The following CACNA2D3 variants were observed in gnomAD, a reference collection of about 807,000 sequenced individuals.
The protein encoded by CACNA2D3 is voltage-dependent calcium channel subunit alpha-2/delta-3.
In CACNA2D3, 60 loss-of-function variants were observed where a neutral mutation model predicts 160.6. The observed-to-expected ratio is 0.37, with a 90% CI of 0.30 to 0.46. The LOEUF is 0.46. Among genes scored for constraint, CACNA2D3 ranks in the 20% least tolerant of loss-of-function variants. The probability of loss-of-function intolerance (pLI) is 1.00; values close to 1 mark genes in which losing one functional copy is unlikely to be tolerated. For missense variants in CACNA2D3, 1,205 were observed against 1,365.0 expected (o/e 0.88, Z 1.85); for synonymous variants, 558 against 492.9 (o/e 1.13, Z -1.75).
rs961627441 is a variant in CACNA2D3, at chr3:54,359,361, G to T, written c.322-27354G>T. Among the ~76,000 whole-genome samples, 5 of 152,194 alleles carry T rather than the reference G, an allele frequency of 3.3e-5. No homozygotes were observed. The East Asian group carries it at 9.6e-4, about 29-fold the overall frequency. ...GAACTGGCCCCTGCAGTATGAATTTGTCAGGCATGGGTAGAGGTCAGAGTG... is the reference window on the plus strand; with the variant it reads ...GAACTGGCCCCTGCAGTATGAATTTTTCAGGCATGGGTAGAGGTCAGAGTG... On this transcript the variant is annotated intron_variant, in intron 3 of 37. Transcript: ENST00000474759.
intron 27 of CACNA2D3, among the ~76,000 whole-genome samples, chr3:54,945,774 T>G (rs375047205): frequency 4.7e-4 from 71 of 152,254 alleles, no homozygotes; most frequent in African/African-American, 1.7e-3. Context: ...CCTGGGCCAT[T>G]GTATGTTGGG....
rs1280064803 is a variant in CACNA2D3 at position 55,033,824 on chromosome 3, T to C, written c.2987+15507T>C. 6.9e-3 allele frequency among the ~76,000 whole-genome samples: 731 copies of C among 105,608 alleles called. 43 individuals carry two copies. Among genetic ancestry groups the C allele is most frequent in the African/African-American group, 0.024 (697 of 29,422 alleles). 69.3% of individuals were successfully genotyped at this position (105,608 alleles called of 152,430 possible). A position where few individuals can be genotyped will look rare whatever the true frequency, so the allele number is the denominator to read the frequency against. On this transcript the variant is annotated intron_variant, in intron 35 of 37. Coordinates refer to ENST00000474759, the MANE Select transcript of CACNA2D3 (RefSeq NM_018398.3). ...TATAATATGTATTATATATTAAATA[T>C]ATTTAATATATAATATATATTACAT...
intron 3 of CACNA2D3, among the ~76,000 whole-genome samples, chr3:54,385,080 A>G (rs1699166450): frequency 1.3e-5 from 2 of 152,204 alleles, no homozygotes; most frequent in Admixed American, 6.5e-5. Flanking sequence ...GGTTTAATCA[A>G]GCATCAGGAG....
intron 10 of CACNA2D3, among the ~76,000 whole-genome samples, chr3:54,631,161 A>G (rs1175656975): frequency 1.3e-5 from 2 of 151,262 alleles, no homozygotes; most frequent in Non-Finnish European, 2.9e-5. Context: ...CTGAGATTGC[A>G]CCACTGCACT....
intron 2 of CACNA2D3, among the ~76,000 whole-genome samples, chr3:54,294,032 A>G (rs1361990832): frequency 1.3e-5 from 2 of 152,170 alleles, no homozygotes; most frequent in African/African-American, 2.4e-5. Flanking sequence ...TGTTTTGAAA[A>G]CTTGTTTACA....
At chr3:54,376,658 C>T (rs1202419814) in intron 3 of CACNA2D3, among the ~76,000 whole-genome samples, 1 of 152,180 alleles carries the variant, frequency 6.6e-6, no homozygotes, top group East Asian at 1.9e-4. Flanking sequence ...TTCATTGCGT[C>T]AGCCCTTAGT....
chr3:55,017,909 T>C (rs1475401105), intron 34 of CACNA2D3, among the ~76,000 whole-genome samples: 1 of 152,214 alleles, frequency 6.6e-6, no homozygotes, highest in African/African-American at 2.4e-5. Flanking sequence ...GTTGCTAAGT[T>C]TGAGTAAGTC....
intron 6 of CACNA2D3, among the ~76,000 whole-genome samples, chr3:54,565,818 C>T (rs1233143300): frequency 1.3e-5 from 2 of 152,170 alleles, no homozygotes; most frequent in Non-Finnish European, 2.9e-5. Context: ...CAGATGACTT[C>T]ATTAGGCTCT....
intron 2 of CACNA2D3, among the ~76,000 whole-genome samples, chr3:54,142,886 C>A (rs1699962466): frequency 6.6e-6 from 1 of 152,188 alleles, no homozygotes; most frequent in African/African-American, 2.4e-5. Flanking sequence ...TCTCTCATGG[C>A]CTGCATTTGT....
chr3:54,240,931 G>C (rs895901484), intron 2 of CACNA2D3, among the ~76,000 whole-genome samples: 1 of 151,988 alleles, frequency 6.6e-6, no homozygotes, highest in Admixed American at 6.6e-5. Flanking sequence ...GAGTAGAGAC[G>C]GGTTTCACCA....
chr3:55,072,600 C>T (rs358073), intron 35 of CACNA2D3, among the ~76,000 whole-genome samples: 5,188 of 152,252 alleles, frequency 0.034, 319 homozygotes, highest in African/African-American at 0.12. Context: ...AAATATTATG[C>T]GATAGGGGTT....
intron 35 of CACNA2D3, among the ~76,000 whole-genome samples, chr3:55,019,219 A>G (rs575406449): frequency 1.3e-5 from 2 of 151,706 alleles, no homozygotes; most frequent in Admixed American, 6.6e-5. Flanking sequence ...TTTAATTATT[A>G]TAGCTTTATA....
intron 14 of CACNA2D3, among the ~76,000 whole-genome samples, chr3:54,832,600 T>C (rs1387154992): frequency 6.6e-6 from 1 of 152,218 alleles, no homozygotes; most frequent in Non-Finnish European, 1.5e-5. Context: ...GAATCTGTCA[T>C]ATAAACCCTG....
chr3:54,477,307 C>T (rs976729010), intron 4 of CACNA2D3, among the ~76,000 whole-genome samples: 8 of 151,470 alleles, frequency 5.3e-5, no homozygotes, highest in Non-Finnish European at 8.8e-5. Flanking sequence ...AAGGTCGTTG[C>T]GGGAAAACTT....
At chr3:54,614,485 G>A (rs1698808050) in intron 9 of CACNA2D3, among the ~76,000 whole-genome samples, 3 of 152,208 alleles carry the variant, frequency 2.0e-5, no homozygotes. Context: ...GGTTTTTGGA[G>A]TAATGTTTGC....
chr3:54,796,082 A>T (rs1186622750), intron 13 of CACNA2D3, among the ~76,000 whole-genome samples: 2 of 152,200 alleles, frequency 1.3e-5, no homozygotes, highest in African/African-American at 4.8e-5. Context: ...TCAGTGTGTC[A>T]GCAGGCTTGA....
intron 34 of CACNA2D3, among the ~76,000 whole-genome samples, chr3:55,016,367 C>T (rs915109819): frequency 6.6e-6 from 1 of 152,182 alleles, no homozygotes; most frequent in Admixed American, 6.5e-5. Context: ...CTCAAACAAC[C>T]ACACAAGCTT....
At chr3:54,256,364 G>T (rs775710603) in intron 2 of CACNA2D3, among the ~76,000 whole-genome samples, 12 of 152,130 alleles carry the variant, frequency 7.9e-5, no homozygotes, top group Non-Finnish European at 1.5e-4. Flanking sequence ...TCATCGCCAA[G>T]ATCTGATTTT....
At chr3:54,838,692 C>T (rs531102316) in intron 16 of CACNA2D3, 44 bp downstream of exon 16, 1 of 1,400,894 alleles carries the variant, frequency 7.1e-7, no homozygotes, top group East Asian at 2.3e-5. Context: ...ACAGAGATGC[C>T]CAGAGCCTTG....
Sources: gnomAD v4.1 joint callset for allele counts (sites outside exome capture counted in the v4.1 genomes callset) on GRCh38, gnomAD v4.1.1 for gene constraint, MANE v1.5 for transcripts, NCBI Gene and HGNC (gene_info 2026-07-23, HGNC 2026-07-21) for gene names.